The following SRGAP3 variants were observed in gnomAD, a reference collection of about 807,000 sequenced individuals.
SRGAP3 encodes the protein SLIT-ROBO Rho GTPase-activating protein 3.
Under a neutral mutation model 121.1 loss-of-function variants are expected in SRGAP3, and 39 were observed. The ratio of observed to expected loss-of-function variants is 0.32; its 90% CI spans 0.25 to 0.42. The LOEUF (loss-of-function observed/expected upper bound fraction) is 0.42, where lower values mean the gene tolerates loss of function less well. SRGAP3 is among the 10% of genes least tolerant of loss of function. SRGAP3 has a pLI of 1.00. For synonymous variants in SRGAP3, 601 were observed against 570.0 expected (o/e 1.05, Z -0.77); for missense variants, 1,213 against 1,470.6 (o/e 0.82, Z 2.86).
intron 1 of SRGAP3, chr3:9,236,284 T>G (rs1055102899): frequency 5.8e-6 from 1 of 173,104 alleles, no homozygotes; most frequent in Admixed American, 6.4e-5. Context: ...CCTGGTAAAG[T>G]TGAAACTTCA....
At chr3:9,307,961 C>T (rs1372805996) in intron 3 of SRGAP3, among the ~76,000 whole-genome samples, 1 of 152,204 alleles carries the variant, frequency 6.6e-6, no homozygotes. Flanking sequence ...TCGAGACAAG[C>T]CTGGCCAATA....
At chr3:9,183,931 T>C (rs1164381557) in intron 1 of SRGAP3, among the ~76,000 whole-genome samples, 2 of 152,080 alleles carry the variant, frequency 1.3e-5, no homozygotes, top group East Asian at 1.9e-4. Context: ...GAGCCAGTTG[T>C]AGCAGCGACT....
intron 3 of SRGAP3, among the ~76,000 whole-genome samples, chr3:9,087,347 C>T (rs190822617): frequency 6.6e-5 from 10 of 151,226 alleles, no homozygotes; most frequent in Admixed American, 6.6e-4. Flanking sequence ...CACGAGATGC[C>T]AAGGACAAGG....
intron 6 of SRGAP3, chr3:9,059,910 C>T: frequency 2.5e-6 from 1 of 392,720 alleles, no homozygotes; most frequent in South Asian, 2.1e-5. Flanking sequence ...TGTATGGTTC[C>T]CCCCTGAACC....
intron 1 of SRGAP3, among the ~76,000 whole-genome samples, chr3:9,162,382 A>G (rs1168812005): frequency 1.3e-5 from 2 of 152,182 alleles, no homozygotes; most frequent in African/African-American, 4.8e-5. Context: ...ATGGGATATT[A>G]AGATGCCCCC....
At chr3:9,233,984 C>T (rs1028871556) in intron 1 of SRGAP3, among the ~76,000 whole-genome samples, 1 of 152,140 alleles carries the variant, frequency 6.6e-6, no homozygotes, top group Admixed American at 6.5e-5. Context: ...TGGCAGACAG[C>T]AGTAGAGCCT....
intron 4 of SRGAP3, among the ~76,000 whole-genome samples, chr3:9,079,513 A>G (rs1411878475): frequency 6.6e-6 from 1 of 152,234 alleles, no homozygotes; most frequent in South Asian, 2.1e-4. Context: ...TTATGAAACT[A>G]TGCCTTGGAG....
intron 3 of SRGAP3, among the ~76,000 whole-genome samples, chr3:9,310,440 G>T (rs1955222933): frequency 1.3e-5 from 2 of 152,170 alleles, no homozygotes; most frequent in South Asian, 4.1e-4. Flanking sequence ...AAGCTCATCA[G>T]TGTATCCCAT....
intron 3 of SRGAP3, among the ~76,000 whole-genome samples, chr3:9,275,146 G>A (rs1357010302): frequency 1.3e-5 from 2 of 152,064 alleles, no homozygotes; most frequent in South Asian, 2.1e-4. Flanking sequence ...AATTCTTGGG[G>A]AGACAAGAAA....
intron 11 of SRGAP3, chr3:9,036,890 G>C (rs965000074): frequency 1.3e-5 from 2 of 152,206 alleles, no homozygotes; most frequent in Non-Finnish European, 2.9e-5. Flanking sequence ...CTGCACATCT[G>C]CCGCCCCGTG....
chr3:9,304,873 A>G (rs1038595637), intron 3 of SRGAP3, among the ~76,000 whole-genome samples: 1 of 152,204 alleles, frequency 6.6e-6, no homozygotes, highest in Non-Finnish European at 1.5e-5. Flanking sequence ...GACATCTGAC[A>G]GATACCATTC....
At chr3:9,084,012 C>A (rs755082709) in intron 3 of SRGAP3, among the ~76,000 whole-genome samples, 1 of 152,156 alleles carries the variant, frequency 6.6e-6, no homozygotes, top group Non-Finnish European at 1.5e-5. Context: ...GTGAACTGTT[C>A]CCCCATCCCT....
chr3:9,016,878 G>A (rs891561107), intron 14 of SRGAP3, among the ~76,000 whole-genome samples: 12 of 152,048 alleles, frequency 7.9e-5, no homozygotes, highest in Non-Finnish European at 1.5e-4. Context: ...ACATTTATAC[G>A]AACTTGTTTT....
At chr3:9,007,825 C>T (rs1943156753) in intron 18 of SRGAP3, 1 of 152,162 alleles carries the variant, frequency 6.6e-6, no homozygotes, top group Non-Finnish European at 1.5e-5. Context: ...CTCCAGGTCT[C>T]TTTTTTCTGA....
At chr3:9,244,812 T>C (rs1953765560) in intron 1 of SRGAP3, among the ~76,000 whole-genome samples, 1 of 152,216 alleles carries the variant, frequency 6.6e-6, no homozygotes, top group African/African-American at 2.4e-5. Flanking sequence ...GTAATGTCCA[T>C]TTGGCACCAG....
intron 12 of SRGAP3, 128 bp from the exon 13 acceptor site, chr3:9,027,123 G>C (rs2125073775): frequency 1.2e-6 from 1 of 869,426 alleles, no homozygotes; most frequent in Non-Finnish European, 2.0e-6. Context: ...AAACAAGCAA[G>C]GAACTGCTAA....
At position 9,013,717 on chromosome 3, in the gene SRGAP3, C is replaced by A. The variant is rs201744933; in HGVS notation, c.1919+20G>T. The A allele has an allele frequency of 2.5e-6, 4 of 1,613,258 alleles. No homozygotes were observed. Among genetic ancestry groups the A allele is most frequent in the Non-Finnish European group, 3.4e-6 (4 of 1,179,388 alleles). On this transcript the variant is annotated intron_variant, in intron 16 of 21. Transcript: ENST00000383836. ...AGGCCAGGCCTGAGTCAAAAAGGGG[C>A]CCCTTGGCCAGACACTCACTGGTTG...
intron 1 of SRGAP3, among the ~76,000 whole-genome samples, chr3:9,344,802 C>T (rs1390461939): frequency 1.3e-5 from 2 of 152,100 alleles, no homozygotes; most frequent in African/African-American, 2.4e-5. Flanking sequence ...TTTGGGAGGC[C>T]TAGGCGGGTG....
intron 1 of SRGAP3, among the ~76,000 whole-genome samples, chr3:9,237,014 C>A (rs989136353): frequency 5.9e-5 from 9 of 152,200 alleles, no homozygotes; most frequent in African/African-American, 1.9e-4. Context: ...CACTTCACTT[C>A]CTTCTAAGTC....
Sources: gnomAD v4.1 joint callset for allele counts (sites outside exome capture counted in the v4.1 genomes callset) on GRCh38, gnomAD v4.1.1 for gene constraint, MANE v1.5 for transcripts, NCBI Gene and HGNC (gene_info 2026-07-23, HGNC 2026-07-21) for gene names.